DCC: variants seen among roughly 807,000 people sequenced by gnomAD.
The protein encoded by DCC is DCC netrin 1 receptor.
A neutral mutation model predicts 172.5 loss-of-function variants in DCC; 58 were observed. The ratio of observed to expected loss-of-function variants is 0.34; its 90% confidence interval spans 0.27 to 0.42. DCC has a LOEUF of 0.42. DCC is among the 10% of genes least tolerant of loss of function. The probability of loss-of-function intolerance (pLI) is 1.00; values close to 1 mark genes in which losing one functional copy is unlikely to be tolerated. For missense variants in DCC, 1,740 were observed against 1,791.0 expected, an observed-to-expected ratio of 0.97 and a Z score of 0.51; for synonymous variants, 709 against 644.5, an observed-to-expected ratio of 1.10 and a Z score of -1.52.
chr18:53,455,802 C>T (rs2045475756), intron 23 of DCC, among the ~76,000 whole-genome samples: 1 of 152,198 alleles, frequency 6.6e-6, no homozygotes, highest in South Asian at 2.1e-4. Flanking sequence ...GCAGTGCATG[C>T]TCCTCATTCC....
At chr18:53,322,246 C>A in intron 14 of DCC, 89 bp downstream of exon 14, 1 of 763,912 alleles carries the variant, frequency 1.3e-6, no homozygotes, top group Non-Finnish European at 2.4e-6. Flanking sequence ...TGAACTCCAA[C>A]TTTGGGGACA....
chr18:52,340,479 C>G lies in DCC; in HGVS notation c.-309C>G. 1 of 470,382 alleles carries G rather than the reference C, an allele frequency of 2.1e-6. No homozygotes were observed. Among genetic ancestry groups the G allele is most frequent in the South Asian group, 2.1e-5 (1 of 46,798 alleles). 29.1% of individuals were successfully genotyped at this position (470,382 alleles called of 1,614,324 possible). ...AGCCCCTCAGAGAGCTGTCTTCCCT[C>G]CTCTGGCTCCCTCCGTTTCCTTGAG... is the stretch of plus-strand genomic sequence containing the variant. On this transcript the variant is annotated 5_prime_UTR_variant, in exon 1 of 29. Coordinates refer to ENST00000442544, the MANE Select transcript of DCC (RefSeq NM_005215.4).
intron 1 of DCC, among the ~76,000 whole-genome samples, chr18:52,607,300 C>T (rs1390428628): frequency 1.3e-5 from 2 of 152,014 alleles, no homozygotes; most frequent in Admixed American, 6.6e-5. Flanking sequence ...TTCACTTAGC[C>T]CCTACTTGCA....
intron 2 of DCC, among the ~76,000 whole-genome samples, chr18:52,844,005 G>A (rs370197239): frequency 2.0e-4 from 30 of 152,168 alleles, no homozygotes; most frequent in African/African-American, 5.5e-4. Flanking sequence ...GAAGTCAGAC[G>A]TAATGACTTA....
chr18:53,085,420 T>C (rs919726192), intron 7 of DCC, among the ~76,000 whole-genome samples: 1 of 152,166 alleles, frequency 6.6e-6, no homozygotes, highest in African/African-American at 2.4e-5. Flanking sequence ...AACCAGTGCC[T>C]TGTCCTCATT....
intron 2 of DCC, among the ~76,000 whole-genome samples, chr18:52,847,669 A>G (rs576462283): frequency 6.6e-6 from 1 of 152,288 alleles, no homozygotes; most frequent in South Asian, 2.1e-4. Flanking sequence ...ATTGAGACTA[A>G]AAATACAAAA....
chr18:52,724,817 T>C (rs1196630575), intron 1 of DCC, among the ~76,000 whole-genome samples: 1 of 152,140 alleles, frequency 6.6e-6, no homozygotes, highest in East Asian at 1.9e-4. Flanking sequence ...CCTGGCTCCA[T>C]CTGACCCATT....
chr18:52,824,673 T>G (rs937361770), intron 2 of DCC, among the ~76,000 whole-genome samples: 2 of 152,174 alleles, frequency 1.3e-5, no homozygotes, highest in South Asian at 4.2e-4. Context: ...AGTGGAAGAT[T>G]AAAAATATTA....
chr18:53,428,111 A>AT (rs1345941162), intron 21 of DCC, among the ~76,000 whole-genome samples: 1 of 36,580 alleles, frequency 2.7e-5, no homozygotes, highest in African/African-American at 1.5e-4. Context: ...AATATAATAT[A>AT]ATAATATATA....
chr18:52,379,315 G>C (rs186876745), intron 1 of DCC, among the ~76,000 whole-genome samples: 1 of 152,154 alleles, frequency 6.6e-6, no homozygotes, highest in Admixed American at 6.5e-5. Flanking sequence ...GTAGTAGAGA[G>C]AGTTGAGGCT....
At chr18:52,612,575 T>C (rs1373370387) in intron 1 of DCC, among the ~76,000 whole-genome samples, 1 of 146,040 alleles carries the variant, frequency 6.8e-6, no homozygotes, top group Non-Finnish European at 1.5e-5. Context: ...GGCATTAACA[T>C]GACTGAACCC....
chr18:52,855,039 A>T (rs1422188745), intron 2 of DCC, among the ~76,000 whole-genome samples: 1 of 152,338 alleles, frequency 6.6e-6, no homozygotes, highest in East Asian at 1.9e-4. Context: ...TATGTTGCAT[A>T]AAGTCCTTGA....
At chr18:53,465,827 C>G (rs932159553) in intron 24 of DCC, among the ~76,000 whole-genome samples, 7 of 151,964 alleles carry the variant, frequency 4.6e-5, no homozygotes, top group Non-Finnish European at 1.0e-4. Context: ...TGTAGTGGCA[C>G]AACCTCAGCT....
rs374279524 is a variant in DCC at position 53,322,029 on chromosome 18, T to C, written c.2054-18T>C. The stretch of plus-strand genomic sequence containing the variant: ...TGCATAGTAACTTTCTTCCCCCCTG[T>C]GGAAAATTCTTTCATAGGACTGGAG... On this transcript the variant is annotated intron_variant, in intron 13 of 28. Transcript: ENST00000442544. The C allele has an allele frequency of 3.4e-5, 48 of 1,428,656 alleles. No individual in the cohort carries two copies. Among genetic ancestry groups the C allele is most frequent in the Non-Finnish European group, 4.7e-5 (48 of 1,010,766 alleles). 88.5% of individuals were successfully genotyped at this position (1,428,656 alleles called of 1,614,324 possible).
At chr18:53,390,740 A>G (rs879656677) in intron 16 of DCC, among the ~76,000 whole-genome samples, 7 of 152,196 alleles carry the variant, frequency 4.6e-5, no homozygotes, top group Non-Finnish European at 8.8e-5. Flanking sequence ...AAACACACAC[A>G]TCATTTTGCA....
chr18:53,202,566 A>G (rs2055556249), intron 9 of DCC, among the ~76,000 whole-genome samples: 1 of 152,216 alleles, frequency 6.6e-6, no homozygotes, highest in Admixed American at 6.5e-5. Flanking sequence ...CCATTAGTAG[A>G]TGCTAAATCT....
rs183372645 is a variant in DCC at position 52,431,044 on chromosome 18, G to A, written c.91+90166G>A. The stretch of plus-strand genomic sequence containing the variant: ...TCAAAAGATGGACACATATGGAAAG[G>A]TACTTCCACTTGCCCTTAATACCCT... On this transcript the variant is annotated intron_variant, in intron 1 of 28. Coordinates refer to ENST00000442544, the MANE Select transcript of DCC (RefSeq NM_005215.4). 7.9e-5 allele frequency among the ~76,000 whole-genome samples: 12 copies of A among 152,258 alleles called. No individual in the cohort carries two copies. In the East Asian group the frequency reaches 2.3e-3, roughly 29 times the overall value.
rs374568067 is a variant in DCC, at chr18:52,347,607, T to C, written c.91+6729T>C. 6.8e-4 allele frequency among the ~76,000 whole-genome samples: 103 copies of C among 152,284 alleles called. 3 individuals are homozygous for C. In the South Asian group the frequency reaches 0.013, roughly 20 times the overall value. ...ACTTCCTCAAAGCAGTTCTCTCTTT[T>C]AGTTTTGATGTTAAGACATAGGGGA... On this transcript the variant is annotated intron_variant, in intron 1 of 28. Coordinates refer to ENST00000442544, the MANE Select transcript of DCC (RefSeq NM_005215.4).
At chr18:52,602,502 G>T (rs1193873484) in intron 1 of DCC, among the ~76,000 whole-genome samples, 2 of 151,416 alleles carry the variant, frequency 1.3e-5, no homozygotes, top group Non-Finnish European at 2.9e-5. Context: ...AGTGACACCT[G>T]GTTCAGTATA....
Sources: gnomAD v4.1 joint callset for allele counts (sites outside exome capture counted in the v4.1 genomes callset) on GRCh38, gnomAD v4.1.1 for gene constraint, MANE v1.5 for transcripts, NCBI Gene and HGNC (gene_info 2026-07-23, HGNC 2026-07-21) for gene names.